WBP4: variants seen among roughly 807,000 people sequenced by gnomAD.
The protein encoded by WBP4 is WW domain binding protein 4, also known as WW domain-binding protein 4.
In WBP4, 37 loss-of-function variants were observed where a neutral mutation model predicts 55.4. The ratio of observed to expected loss-of-function variants is 0.67; its 90% CI spans 0.51 to 0.88. The LOEUF is 0.88. WBP4 is among the 40% of genes least tolerant of loss of function. The pLI is 0.00. For missense variants in WBP4, 398 were observed against 420.8 expected (o/e 0.95, Z 0.47); for synonymous variants, 142 against 140.2 (o/e 1.01, Z -0.09).
intron 6 of WBP4, 40 bp from the exon 7 acceptor site, chr13:41,072,742 G>T (rs767232672): frequency 5.7e-6 from 9 of 1,577,662 alleles, no homozygotes; most frequent in Non-Finnish European, 7.8e-6. Flanking sequence ...GAAAATCATG[G>T]TTATCCTTAG....
At chr13:41,062,556 A>G in intron 1 of WBP4, 88 bp from the exon 2 acceptor site, 1 of 1,225,326 alleles carries the variant, frequency 8.2e-7, no homozygotes, top group African/African-American at 1.5e-5. Context: ...AGGGGCATAT[A>G]TTTCAAACTT....
At chr13:41,073,309 T>G (rs1878329825) in intron 7 of WBP4, among the ~76,000 whole-genome samples, 1 of 151,302 alleles carries the variant, frequency 6.6e-6, no homozygotes, top group African/African-American at 2.4e-5. Context: ...AGGTCAGGAG[T>G]TAAGCGACCA....
At position 41,065,034 on chromosome 13, in the gene WBP4, A is replaced by G. The variant is rs775595774; in HGVS notation, c.94A>G (p.Arg32Gly). The change falls in exon 3 of 10, where the codon AGA becomes GGA. Residue 32 changes from arginine to glycine, a missense_variant. By Grantham distance (125) the Arg-to-Gly change is moderately radical. Transcript: ENST00000379487. Reference protein sequence around the residue: ...DNRPSVEFHERGKNHKENVAK... With the variant: ...DNRPSVEFHEGGKNHKENVAK... Reference sequence around the variant, plus strand: ...TTTCAAGAGTGTTGAATTTCATGAAAGAGGAAAGAATCATAAGGAAAATGT... The same window carrying G: ...TTTCAAGAGTGTTGAATTTCATGAAGGAGGAAAGAATCATAAGGAAAATGT... The G allele has an allele frequency of 1.0e-5, 16 of 1,587,282 alleles. No individual in the cohort carries two copies. Among genetic ancestry groups the G allele is most frequent in the Admixed American group, 3.8e-5 (2 of 52,032 alleles).
intron 8 of WBP4, 117 bp downstream of exon 8, chr13:41,076,354 C>A (rs1878493326): frequency 1.3e-6 from 1 of 763,388 alleles, no homozygotes; most frequent in Admixed American, 4.3e-5. Flanking sequence ...TCTTGGCTCA[C>A]TGTAACCTCC....
chr13:41,079,703 C>T (rs903957101), intron 8 of WBP4, among the ~76,000 whole-genome samples: 2 of 152,112 alleles, frequency 1.3e-5, no homozygotes, highest in Admixed American at 6.6e-5. Context: ...CCAGCAGTCC[C>T]ACTTCTGAGT....
chr13:41,072,966 A>G, intron 7 of WBP4, 109 bp downstream of exon 7: 2 of 758,894 alleles, frequency 2.6e-6, no homozygotes, highest in East Asian at 2.8e-5. Context: ...CAATAAACAT[A>G]TTTGTGTAGT....
rs1258197815 is a variant in WBP4, at chr13:41,061,666, GCGCAGTCA to G, written c.-7_1del. Reference sequence around the variant, plus strand: ...CCCTGGACGACTTGCAGAGCGGCTGGCGCAGTCATGTGAGTTGGGTCTCAGGCCCTGAA... The same window carrying G: ...CCCTGGACGACTTGCAGAGCGGCTGGTGTGAGTTGGGTCTCAGGCCCTGAA... On this transcript the variant is annotated start_lost and splice_region_variant and 5_prime_UTR_variant, in exon 1 of 10. Transcript: ENST00000379487. 1.2e-6 allele frequency: 2 copies of G among 1,614,106 alleles called. No homozygotes were observed. Among genetic ancestry groups the G allele is most frequent in the Non-Finnish European group, 1.7e-6 (2 of 1,180,028 alleles).
chr13:41,080,623 A>G, intron 8 of WBP4, 23 bp from the exon 9 acceptor site: 3 of 1,563,008 alleles, frequency 1.9e-6, no homozygotes, highest in Non-Finnish European at 2.6e-6. Context: ...GAACTGTATT[A>G]TTTCTTGGCT....
chr13:41,081,372 A>G (rs1403918746), intron 9 of WBP4, among the ~76,000 whole-genome samples: 9 of 151,346 alleles, frequency 5.9e-5, no homozygotes, highest in Admixed American at 5.9e-4. Flanking sequence ...AGTGGCACAC[A>G]TCATGTTCCC....
rs1335353160 is a variant in WBP4 at position 41,083,659 on chromosome 13, C to T, written c.*745C>T. ...ATGCCTTTTTTCCCCCAGTCATGCA[C>T]TCTTTTTAGCAGTCTTATATGTACT... is the stretch of plus-strand genomic sequence containing the variant. On this transcript the variant is annotated 3_prime_UTR_variant, in exon 10 of 10. Transcript: ENST00000379487. The T allele has an allele frequency of 1.3e-5, 2 of 152,196 alleles. No individual in the cohort carries two copies. The highest frequency in any genetic ancestry group is 2.9e-5 in the Non-Finnish European group (2 of 68,040). 9.4% of individuals were successfully genotyped at this position (152,196 alleles called of 1,614,324 possible).
intron 7 of WBP4, among the ~76,000 whole-genome samples, chr13:41,073,875 CAAT>C (rs1394111452): frequency 2.0e-5 from 3 of 151,556 alleles, no homozygotes; most frequent in Non-Finnish European, 4.4e-5. Flanking sequence ...GAAAATTTAA[CAAT>C]GTTTCAGTTG....
At position 41,083,207 on chromosome 13, in the gene WBP4, G is replaced by A. The variant is rs1174926510; in HGVS notation, c.*293G>A. The A allele has an allele frequency of 1.5e-5, 4 of 263,660 alleles. No individual in the cohort carries two copies. Among genetic ancestry groups the A allele is most frequent in the Non-Finnish European group, 2.9e-5 (4 of 136,444 alleles). 16.3% of individuals were successfully genotyped at this position (263,660 alleles called of 1,614,324 possible). On this transcript the variant is annotated 3_prime_UTR_variant, in exon 10 of 10. Coordinates refer to ENST00000379487, the MANE Select transcript of WBP4 (RefSeq NM_007187.5). ...TGTTATTTAAAACATGGAGAAACAG[G>A]GCCTTTATTCCATTCATATTCATAA... is the stretch of plus-strand genomic sequence containing the variant.
chr13:41,070,516 C>G (rs1878192981), intron 5 of WBP4, among the ~76,000 whole-genome samples: 1 of 151,418 alleles, frequency 6.6e-6, no homozygotes, highest in Non-Finnish European at 1.5e-5. Flanking sequence ...GTGCCATTTA[C>G]TTAGATACGA....
chr13:41,082,300 A>G (rs544025202), intron 9 of WBP4, among the ~76,000 whole-genome samples: 33 of 152,172 alleles, frequency 2.2e-4, no homozygotes, highest in African/African-American at 7.7e-4. Context: ...TTTTGTAGCA[A>G]TGGGGTTTTG....
At chr13:41,075,956 A>G in intron 7 of WBP4, 88 bp from the exon 8 acceptor site, 1 of 1,346,688 alleles carries the variant, frequency 7.4e-7, no homozygotes, top group Non-Finnish European at 1.0e-6. Context: ...ATTGTCATTT[A>G]ATAATTGTAA....
intron 1 of WBP4, chr13:41,062,235 A>G: frequency 1.0e-6 from 1 of 981,804 alleles, no homozygotes; most frequent in Non-Finnish European, 1.2e-6. Flanking sequence ...TCCCCAGAGT[A>G]GTCTTGTACG....
chr13:41,068,572 C>G lies in WBP4; in HGVS notation c.274C>G (p.Pro92Ala), dbSNP rs141932729. 33 of 1,593,428 alleles carry G rather than the reference C, an allele frequency of 2.1e-5. No homozygotes were observed. The African/African-American group carries it at 3.1e-4, about 15-fold the overall frequency. The change falls in exon 5 of 10, where the codon CCA (proline) becomes GCA (alanine). Residue 92 changes from proline to alanine, a missense_variant. By Grantham distance (27) the Pro-to-Ala change is conservative. Coordinates refer to ENST00000379487, the MANE Select transcript of WBP4 (RefSeq NM_007187.5). ...RLGLESEILE[P>A]SITPVTSTIP... The stretch of plus-strand genomic sequence containing the variant: ...TCTCATCTCTTTAGAAATTTTGGAG[C>G]CAAGCATAACACCAGTAACCAGCAC...
At chr13:41,064,068 T>A (rs1462470520) in intron 2 of WBP4, among the ~76,000 whole-genome samples, 4 of 143,992 alleles carry the variant, frequency 2.8e-5, no homozygotes, top group Non-Finnish European at 6.0e-5. Context: ...TAGGTTATCA[T>A]TTTTTTTTTT....
Position 41,080,896 on chromosome 13 carries a change from G to A in WBP4, c.920+87G>A, listed in dbSNP as rs1335739003. 1.8e-5 allele frequency: 25 copies of A among 1,381,944 alleles called. 1 individual carries two copies. Among genetic ancestry groups the A allele is most frequent in the African/African-American group, 2.9e-5 (2 of 67,966 alleles). The allele number at this position is 1,381,944 out of a possible 1,614,324, so 85.6% of individuals were successfully genotyped here. On this transcript the variant is annotated intron_variant, in intron 9 of 9. Transcript: ENST00000379487. ...CTAAATTGCAGTAAGTAATTTCAAG[G>A]ATGCTGTGCTTATTAAAAGTATAGC...
Sources: gnomAD v4.1 joint callset for allele counts (sites outside exome capture counted in the v4.1 genomes callset) on GRCh38, gnomAD v4.1.1 for gene constraint, MANE v1.5 for transcripts, NCBI Gene and HGNC (gene_info 2026-07-23, HGNC 2026-07-21) for gene names.